The following VRK2 variants were observed in gnomAD, a reference collection of about 807,000 sequenced individuals.
The protein encoded by VRK2 is serine/threonine-protein kinase VRK2.
VRK2 carries 60 observed loss-of-function variants against 57.6 expected under a neutral mutation model. The observed-to-expected ratio is 1.04, with a 90% CI of 0.85 to 1.29. VRK2 has a LOEUF of 1.29. Ranked by LOEUF, VRK2 falls within the 50% of genes most tolerant of loss-of-function variation. The pLI, the probability that VRK2 is intolerant of heterozygous loss-of-function variation, is 0.00. For synonymous variants in VRK2, 231 were observed against 199.2 expected (o/e 1.16, Z -1.35); for missense variants, 705 against 588.1 (o/e 1.20, Z -2.06).
At chr2:57,927,728 G>T (rs747026986) in intron 1 of VRK2, among the ~76,000 whole-genome samples, 1 of 152,164 alleles carries the variant, frequency 6.6e-6, no homozygotes, top group African/African-American at 2.4e-5. Flanking sequence ...CAGGTCTGGT[G>T]TTGATGAAAT....
Position 58,146,819 on chromosome 2 carries a change from T to C in VRK2, c.1182+345T>C, listed in dbSNP as rs1334042348. On this transcript the variant is annotated intron_variant, in intron 12 of 12. Transcript: ENST00000340157. ...CTCAAGTCTCACCCTTATAATCAAA[T>C]ATAAGTGAAGTGTTTCCCTGTCAAT... Among the ~76,000 whole-genome samples, 3 of 151,936 alleles carry C rather than the reference T, an allele frequency of 2.0e-5. No individual in the cohort carries two copies. In the East Asian group the frequency reaches 5.8e-4, roughly 29 times the overall value.
intron 1 of VRK2, among the ~76,000 whole-genome samples, chr2:58,003,400 C>T (rs187600263): frequency 4.0e-5 from 6 of 151,778 alleles, no homozygotes; most frequent in Admixed American, 6.6e-5. Context: ...TTAGCACCAC[C>T]GGGAAAATTA....
chr2:58,079,846 A>G (rs1670613384), intron 2 of VRK2, among the ~76,000 whole-genome samples: 1 of 151,970 alleles, frequency 6.6e-6, no homozygotes, highest in Admixed American at 6.6e-5. Flanking sequence ...CCTCATTTCT[A>G]CTGAGAGATT....
At chr2:57,964,174 T>A (rs1344376831) in intron 1 of VRK2, among the ~76,000 whole-genome samples, 2 of 152,206 alleles carry the variant, frequency 1.3e-5, no homozygotes, top group East Asian at 3.8e-4. Context: ...TAGCTTACTG[T>A]TGACTGGAAG....
intron 3 of VRK2, among the ~76,000 whole-genome samples, chr2:58,037,510 A>G (rs1378128048): frequency 6.6e-6 from 1 of 152,068 alleles, no homozygotes; most frequent in African/African-American, 2.4e-5. Context: ...CATGTTTGCA[A>G]TGAAAAGCTT....
At position 57,929,265 on chromosome 2, in the gene VRK2, C is replaced by T. The variant is rs148307808; in HGVS notation, c.-439+21426C>T. Among the ~76,000 whole-genome samples the T allele has an allele frequency of 4.6e-5, 7 of 152,236 alleles. No homozygotes were observed. The East Asian group carries it at 1.4e-3, about 29-fold the overall frequency. ...TACTGTGGCTGAGTTGGCACCCAAG[C>T]CACACGACAGAGTCCTTCTGACTTT... On this transcript the variant is annotated intron_variant, in intron 1 of 15. Coordinates refer to the VRK2 transcript ENST00000417641.
At chr2:58,115,605 A>G (rs533608792) in intron 7 of VRK2, among the ~76,000 whole-genome samples, 41 of 152,316 alleles carry the variant, frequency 2.7e-4, no homozygotes, top group African/African-American at 7.5e-4. Flanking sequence ...AATTCTGACC[A>G]CACTAACCAT....
chr2:58,059,279 G>C lies in VRK2; in HGVS notation c.136+10312G>C, dbSNP rs545647183. 2.0e-5 allele frequency among the ~76,000 whole-genome samples: 3 copies of C among 151,870 alleles called. No individual in the cohort carries two copies. In the South Asian group the frequency reaches 6.2e-4, roughly 31 times the overall value. ...TGCAATCTGATGAGAAAGATTTGTTGGATTTTCATGCCTTTGCAAAACTGA... is the reference window on the plus strand; with the variant it reads ...TGCAATCTGATGAGAAAGATTTGTTCGATTTTCATGCCTTTGCAAAACTGA... On this transcript the variant is annotated intron_variant, in intron 2 of 12. Transcript: ENST00000340157.
At chr2:58,137,244 T>TATATGATACATATATATCTC (rs1680660462) in intron 10 of VRK2, among the ~76,000 whole-genome samples, 10 of 114,826 alleles carry the variant, frequency 8.7e-5, no homozygotes, top group Admixed American at 2.7e-4. Context: ...ATATATATCA[T>TATATGATACATATATATCTC]ATATATGATA....
chr2:58,150,795 G>C (rs1008732818), intron 12 of VRK2, among the ~76,000 whole-genome samples: 17 of 150,656 alleles, frequency 1.1e-4, no homozygotes, highest in African/African-American at 3.9e-4. Flanking sequence ...CTGTGCTTTG[G>C]CTGTCTATTT....
chr2:57,917,750 AG>A (rs1463187877), intron 1 of VRK2, among the ~76,000 whole-genome samples: 2 of 151,908 alleles, frequency 1.3e-5, no homozygotes, highest in East Asian at 3.9e-4. Flanking sequence ...TGGTTAAGAG[AG>A]GGGATGGCTT....
At chr2:58,065,994 G>C (rs1219029643) in intron 2 of VRK2, among the ~76,000 whole-genome samples, 2 of 152,072 alleles carry the variant, frequency 1.3e-5, no homozygotes, top group African/African-American at 4.8e-5. Context: ...GTTATTCTAG[G>C]ATTGGGTTTT....
chr2:58,009,361 T>C (rs1374604575), intron 1 of VRK2, among the ~76,000 whole-genome samples: 4 of 152,054 alleles, frequency 2.6e-5, no homozygotes, highest in Admixed American at 6.6e-5. Flanking sequence ...AGGTGTACCA[T>C]GGAGCCTCTT....
chr2:58,005,137 C>A (rs1673203805), intron 1 of VRK2, among the ~76,000 whole-genome samples: 1 of 152,120 alleles, frequency 6.6e-6, no homozygotes, highest in South Asian at 2.1e-4. Context: ...TTGTATTCTG[C>A]ATGATATGAC....
At chr2:58,137,027 G>GTA (rs1224093312) in intron 10 of VRK2, among the ~76,000 whole-genome samples, 3 of 125,530 alleles carry the variant, frequency 2.4e-5, no homozygotes, top group African/African-American at 9.5e-5. Flanking sequence ...TCTCATATGT[G>GTA]TATATATATC....
intron 3 of VRK2, among the ~76,000 whole-genome samples, chr2:58,034,271 AGTT>A (rs1674206099): frequency 1.3e-5 from 2 of 151,924 alleles, no homozygotes; most frequent in South Asian, 2.1e-4. Flanking sequence ...CACCTCTCAC[AGTT>A]GTTGTTTTGG....
intron 11 of VRK2, among the ~76,000 whole-genome samples, chr2:58,140,508 T>C (rs1681176938): frequency 6.6e-6 from 1 of 151,984 alleles, no homozygotes; most frequent in Non-Finnish European, 1.5e-5. Flanking sequence ...TATGCACAAA[T>C]AGAGTGTGGA....
chr2:58,131,612 A>G lies in VRK2; in HGVS notation c.677-196A>G, dbSNP rs375883958. Among the ~76,000 whole-genome samples, 13 of 152,262 alleles carry G rather than the reference A, an allele frequency of 8.5e-5. 1 individual carries two copies. The highest frequency in any genetic ancestry group is 3.1e-4 in the African/African-American group (13 of 41,532). On this transcript the variant is annotated intron_variant, in intron 8 of 12. Coordinates refer to ENST00000340157, the MANE Select transcript of VRK2 (RefSeq NM_006296.7). ...GTGAGGAAACTGACCCTTACTTTCA[A>G]CAGCAACCAGTCACTGCCTGTCTGT...
At chr2:58,028,895 A>ATAT (rs1674018743) in intron 2 of VRK2, among the ~76,000 whole-genome samples, 1 of 57,306 alleles carries the variant, frequency 1.7e-5, no homozygotes, top group African/African-American at 7.1e-5. Flanking sequence ...TAAATAAATA[A>ATAT]ATAAATAAAT....
Sources: gnomAD v4.1 joint callset for allele counts (sites outside exome capture counted in the v4.1 genomes callset) on GRCh38, gnomAD v4.1.1 for gene constraint, MANE v1.5 for transcripts, NCBI Gene and HGNC (gene_info 2026-07-23, HGNC 2026-07-21) for gene names.